Variants in LDLRAD4 observed in about 807,000 individuals in gnomAD.
LDLRAD4 encodes the protein low-density lipoprotein receptor class A domain-containing protein 4.
A neutral mutation model predicts 17.0 loss-of-function variants in LDLRAD4; 5 were observed. The ratio of observed to expected loss-of-function variants is 0.29; its 90% CI spans 0.15 to 0.62. The LOEUF is 0.62. LDLRAD4 is among the 20% of genes least tolerant of loss of function. The probability of loss-of-function intolerance (pLI) is 0.84; values close to 1 mark genes in which losing one functional copy is unlikely to be tolerated. For synonymous variants in LDLRAD4, 168 were observed against 171.8 expected (o/e 0.98, Z 0.17); for missense variants, 340 against 424.7 (o/e 0.80, Z 1.75).
At chr18:13,397,292 C>T (rs531401225) in intron 2 of LDLRAD4, among the ~76,000 whole-genome samples, 3 of 152,242 alleles carry the variant, frequency 2.0e-5, no homozygotes, top group East Asian at 3.9e-4. Flanking sequence ...TACAGGCACC[C>T]GCCACCACAC....
intron 3 of LDLRAD4, among the ~76,000 whole-genome samples, chr18:13,524,944 G>C (rs1197535013): frequency 1.3e-5 from 2 of 152,232 alleles, no homozygotes; most frequent in African/African-American, 2.4e-5. Flanking sequence ...AATTAAGGCT[G>C]CCCTAGTTAA....
chr18:13,620,070 C>T (rs2040471144), intron 3 of LDLRAD4, among the ~76,000 whole-genome samples: 1 of 152,068 alleles, frequency 6.6e-6, no homozygotes, highest in African/African-American at 2.4e-5. Flanking sequence ...ACCCTCGGTT[C>T]CCAGGGTGTG....
At chr18:13,286,688 A>G (rs1446294511) in intron 1 of LDLRAD4, among the ~76,000 whole-genome samples, 1 of 152,154 alleles carries the variant, frequency 6.6e-6, no homozygotes, top group Non-Finnish European at 1.5e-5. Context: ...GTGTCATTAG[A>G]TGCGTGTTTA....
At chr18:13,311,544 G>A (rs2047233643) in intron 1 of LDLRAD4, among the ~76,000 whole-genome samples, 1 of 152,210 alleles carries the variant, frequency 6.6e-6, no homozygotes, top group African/African-American at 2.4e-5. Flanking sequence ...GCCACACTGG[G>A]CAATGTTTCC....
chr18:13,243,974 T>TCCAC (rs1259448323), intron 1 of LDLRAD4, among the ~76,000 whole-genome samples: 5 of 108,390 alleles, frequency 4.6e-5, no homozygotes, highest in Admixed American at 1.1e-4. Flanking sequence ...CATCCATCCA[T>TCCAC]CCACCCACCC....
exon 6 of LDLRAD4, chr18:13,647,303 C>G (rs577551228): frequency 1.3e-5 from 2 of 152,278 alleles, no homozygotes; most frequent in Admixed American, 1.3e-4. Flanking sequence ...GATGTAAGCA[C>G]TGGCTTTTAT....
At chr18:13,386,109 G>T (rs1398711348) in intron 1 of LDLRAD4, among the ~76,000 whole-genome samples, 1 of 152,136 alleles carries the variant, frequency 6.6e-6, no homozygotes, top group African/African-American at 2.4e-5. Flanking sequence ...TCTGTGCTCT[G>T]TTCTCTTAAG....
intron 3 of LDLRAD4, among the ~76,000 whole-genome samples, chr18:13,564,580 TAAAAAAAAAA>T (rs367805996): frequency 9.7e-5 from 8 of 82,462 alleles, no homozygotes; most frequent in African/African-American, 3.8e-4. Flanking sequence ...TCCCATTTTC[TAAAAAAAAAA>T]AAAAAAAAAA....
chr18:13,316,514 G>A (rs930797), intron 1 of LDLRAD4, among the ~76,000 whole-genome samples: 55,364 of 152,022 alleles, frequency 0.36, 10,813 homozygotes, highest in African/African-American at 0.5. Context: ...GAATGTAGGA[G>A]GGAATGCAGA....
intron 1 of LDLRAD4, among the ~76,000 whole-genome samples, chr18:13,302,044 A>G (rs2046636737): frequency 1.3e-5 from 2 of 152,228 alleles, no homozygotes; most frequent in Non-Finnish European, 2.9e-5. Flanking sequence ...AAGCTGAAGC[A>G]TTTGAATAAA....
At chr18:13,272,427 A>G (rs1256953721) in intron 1 of LDLRAD4, among the ~76,000 whole-genome samples, 2 of 152,154 alleles carry the variant, frequency 1.3e-5, no homozygotes, top group Non-Finnish European at 2.9e-5. Context: ...GGCAAGCAAA[A>G]TTGGACCACT....
intron 1 of LDLRAD4, among the ~76,000 whole-genome samples, chr18:13,232,362 G>A (rs545162108): frequency 6.6e-6 from 1 of 152,174 alleles, no homozygotes; most frequent in Non-Finnish European, 1.5e-5. Context: ...GCCCCTTTTT[G>A]CCTGGCATGG....
At chr18:13,351,148 T>G (rs1282532277) in intron 1 of LDLRAD4, among the ~76,000 whole-genome samples, 5 of 152,214 alleles carry the variant, frequency 3.3e-5, no homozygotes, top group East Asian at 1.9e-4. Context: ...TTAAAGTAGT[T>G]TTTTCTAATT....
chr18:13,285,548 A>C (rs2045572939), intron 1 of LDLRAD4, among the ~76,000 whole-genome samples: 1 of 152,170 alleles, frequency 6.6e-6, no homozygotes. Flanking sequence ...TGCTTCCTGC[A>C]GGAGGCTTCG....
chr18:13,530,776 G>A (rs2094114515), intron 3 of LDLRAD4, among the ~76,000 whole-genome samples: 1 of 151,766 alleles, frequency 6.6e-6, no homozygotes, highest in Non-Finnish European at 1.5e-5. Flanking sequence ...GGCTCCTGCT[G>A]CCTGGAAGCC....
chr18:13,415,778 G>A (rs1370976835), intron 2 of LDLRAD4, among the ~76,000 whole-genome samples: 1 of 152,164 alleles, frequency 6.6e-6, no homozygotes, highest in Non-Finnish European at 1.5e-5. Flanking sequence ...CCAGGGCCAC[G>A]CTGCCCGGTG....
intron 4 of LDLRAD4, among the ~76,000 whole-genome samples, chr18:13,640,059 G>T (rs2042396675): frequency 6.6e-6 from 1 of 152,128 alleles, no homozygotes; most frequent in Non-Finnish European, 1.5e-5. Context: ...GGCCGAGGCG[G>T]GTGAATCACA....
chr18:13,376,602 GC>G (rs1362164642), intron 1 of LDLRAD4, among the ~76,000 whole-genome samples: 1 of 152,180 alleles, frequency 6.6e-6, no homozygotes, highest in Non-Finnish European at 1.5e-5. Context: ...GGATGAGACG[GC>G]TCCTGCAGTT....
intron 1 of LDLRAD4, among the ~76,000 whole-genome samples, chr18:13,226,200 T>TTTTTTTTTTTTTTTTTTTTTTC (rs1399999238): frequency 7.0e-6 from 1 of 143,200 alleles, no homozygotes; most frequent in Non-Finnish European, 1.5e-5. Context: ...TTTTTTTTTT[T>TTTTTTTTTTTTTTTTTTTTTTC]TGTAGAGACC....
Sources: allele counts gnomAD v4.1 joint callset (sites outside exome capture counted in the v4.1 genomes callset), GRCh38; gene constraint gnomAD v4.1.1; transcripts MANE v1.5; gene names NCBI Gene and HGNC (gene_info 2026-07-23, HGNC 2026-07-21).